The following SOX5 variants were observed in gnomAD, a reference collection of about 807,000 sequenced individuals.
The protein encoded by SOX5 is transcription factor SOX-5.
In SOX5, 9 loss-of-function variants were observed where a neutral mutation model predicts 92.0. The ratio of observed to expected loss-of-function variants is 0.10; its 90% CI spans 0.06 to 0.17. The LOEUF is 0.17. Ranked by LOEUF, SOX5 falls within the 10% of genes least tolerant of loss-of-function variation. SOX5 has a pLI of 1.00. For synonymous variants in SOX5, 344 were observed against 336.3 expected, an observed-to-expected ratio of 1.02 and a Z score of -0.25; for missense variants, 642 against 944.5, an observed-to-expected ratio of 0.68 and a Z score of 4.20.
At chr12:23,675,248 A>G (rs914769245) in intron 6 of SOX5, among the ~76,000 whole-genome samples, 3 of 152,170 alleles carry the variant, frequency 2.0e-5, no homozygotes, top group East Asian at 3.9e-4. Flanking sequence ...AACATTTTTA[A>G]TATCTTGCCT....
intron 1 of SOX5, among the ~76,000 whole-genome samples, chr12:24,399,686 A>C (rs987592871): frequency 2.6e-5 from 4 of 152,352 alleles, no homozygotes; most frequent in South Asian, 2.1e-4. Flanking sequence ...AGTAGCAGGA[A>C]GACTATGGAA....
chr12:24,024,260 T>C (rs12823336), intron 4 of SOX5, among the ~76,000 whole-genome samples: 11,636 of 152,084 alleles, frequency 0.077, 629 homozygotes, highest in Non-Finnish European at 0.12. Context: ...ATTTTACACA[T>C]TGTAAAGGTC....
chr12:23,618,657 A>G (rs1303953953), intron 8 of SOX5, among the ~76,000 whole-genome samples: 1 of 152,182 alleles, frequency 6.6e-6, no homozygotes, highest in African/African-American at 2.4e-5. Flanking sequence ...AGGGATCACC[A>G]TAACAATTTT....
chr12:24,556,901 A>C (rs1953842475), intron 1 of SOX5, among the ~76,000 whole-genome samples: 1 of 152,196 alleles, frequency 6.6e-6, no homozygotes, highest in African/African-American at 2.4e-5. Context: ...AAATAAGTTC[A>C]AAGTAAGTAC....
At chr12:24,017,059 T>C (rs1953713677) in intron 4 of SOX5, among the ~76,000 whole-genome samples, 1 of 152,212 alleles carries the variant, frequency 6.6e-6, no homozygotes, top group Admixed American at 6.5e-5. Flanking sequence ...TATACAGTGT[T>C]GGGACAAGAA....
chr12:24,346,726 C>T (rs1382528501), intron 2 of SOX5, among the ~76,000 whole-genome samples: 1 of 152,170 alleles, frequency 6.6e-6, no homozygotes, highest in Non-Finnish European at 1.5e-5. Context: ...GCTCGGATTA[C>T]AGGCATCAGT....
At chr12:23,882,858 G>T (rs976351757) in intron 2 of SOX5, among the ~76,000 whole-genome samples, 3 of 152,098 alleles carry the variant, frequency 2.0e-5, no homozygotes, top group Non-Finnish European at 4.4e-5. Flanking sequence ...TGAAATACTT[G>T]CTGTGTGTCA....
chr12:24,209,611 T>G (rs1052836305), intron 4 of SOX5, among the ~76,000 whole-genome samples: 8 of 152,204 alleles, frequency 5.3e-5, no homozygotes, highest in Non-Finnish European at 1.2e-4. Flanking sequence ...AATACTTATT[T>G]GGCAATTGAA....
At chr12:24,195,555 A>G (rs1956932099) in intron 4 of SOX5, among the ~76,000 whole-genome samples, 1 of 152,196 alleles carries the variant, frequency 6.6e-6, no homozygotes, top group Non-Finnish European at 1.5e-5. Context: ...TTAAGAATGG[A>G]AAGAGAAGAA....
At chr12:24,473,912 T>G (rs192410186) in intron 1 of SOX5, among the ~76,000 whole-genome samples, 1 of 152,192 alleles carries the variant, frequency 6.6e-6, no homozygotes, top group Non-Finnish European at 1.5e-5. Flanking sequence ...ACATAAGAGA[T>G]GAAAAACAGG....
chr12:23,812,776 G>A (rs113056531), intron 3 of SOX5, among the ~76,000 whole-genome samples: 5 of 152,170 alleles, frequency 3.3e-5, no homozygotes, highest in Admixed American at 6.5e-5. Flanking sequence ...CTAAAAAGAC[G>A]AATACTGATG....
intron 3 of SOX5, among the ~76,000 whole-genome samples, chr12:23,803,292 C>G (rs2095697950): frequency 6.6e-6 from 1 of 152,194 alleles, no homozygotes; most frequent in Non-Finnish European, 1.5e-5. Flanking sequence ...GACTCATTAT[C>G]TGTCCCAACA....
chr12:24,213,318 C>A (rs1353274696), intron 4 of SOX5: 1 of 149,104 alleles, frequency 6.7e-6, no homozygotes, highest in African/African-American at 2.5e-5. Context: ...GAATGACCAG[C>A]AAATGGTAAT....
At position 24,039,423 on chromosome 12, in the gene SOX5, T is replaced by A. The variant is rs560337947; in HGVS notation, c.-1-143399A>T. On this transcript the variant is annotated intron_variant, in intron 4 of 4. Transcript: ENST00000446891. ...TCAACATTGATAGATAATACTGAGATGAGTTAGATGCAAAGGGCTGTTCTT... is the reference window on the plus strand; with the variant it reads ...TCAACATTGATAGATAATACTGAGAAGAGTTAGATGCAAAGGGCTGTTCTT... Among the ~76,000 whole-genome samples the A allele has an allele frequency of 2.7e-4, 41 of 152,290 alleles. No individual in the cohort carries two copies. The South Asian group carries it at 5.2e-3, about 19-fold the overall frequency.
intron 1 of SOX5, among the ~76,000 whole-genome samples, chr12:24,480,872 A>G (rs1269696280): frequency 6.6e-6 from 1 of 152,156 alleles, no homozygotes; most frequent in Non-Finnish European, 1.5e-5. Flanking sequence ...CTAAAAATAG[A>G]GCTAGCATAT....
intron 5 of SOX5, among the ~76,000 whole-genome samples, chr12:23,735,284 C>T (rs929496725): frequency 6.6e-6 from 1 of 151,692 alleles, no homozygotes; most frequent in East Asian, 1.9e-4. Context: ...GTTTCTGTTT[C>T]CATTTTTTTT....
chr12:24,029,765 G>T (rs755570552), intron 4 of SOX5, among the ~76,000 whole-genome samples: 3 of 151,918 alleles, frequency 2.0e-5, no homozygotes, highest in Non-Finnish European at 4.4e-5. Context: ...TAGGAAAGAA[G>T]CCCTAACAAA....
intron 6 of SOX5, among the ~76,000 whole-genome samples, chr12:23,721,324 A>G (rs1156621179): frequency 6.6e-6 from 1 of 152,110 alleles, no homozygotes; most frequent in African/African-American, 2.4e-5. Context: ...ACCTTAGGTG[A>G]TCCACCAGCC....
intron 4 of SOX5, among the ~76,000 whole-genome samples, chr12:24,048,762 T>C (rs932248773): frequency 4.6e-5 from 7 of 152,182 alleles, no homozygotes; most frequent in Non-Finnish European, 8.8e-5. Flanking sequence ...AGTCACAAAA[T>C]ATCACATACA....
Sources: allele counts gnomAD v4.1 joint callset (sites outside exome capture counted in the v4.1 genomes callset), GRCh38; gene constraint gnomAD v4.1.1; transcripts MANE v1.5; gene names NCBI Gene and HGNC (gene_info 2026-07-23, HGNC 2026-07-21).